Variants in MAP4 observed in about 807,000 individuals in gnomAD.
MAP4 encodes the protein microtubule-associated protein 4.
In MAP4, 76 loss-of-function variants were observed where a neutral mutation model predicts 170.2. The ratio of observed to expected loss-of-function variants is 0.45; its 90% confidence interval spans 0.37 to 0.54. MAP4 has a LOEUF of 0.54. Among genes scored for constraint, MAP4 ranks in the 20% least tolerant of loss-of-function variants. The probability of loss-of-function intolerance (pLI) is 0.00; values close to 1 mark genes in which losing one functional copy is unlikely to be tolerated. For missense variants in MAP4, 2,506 were observed against 2,748.0 expected (o/e 0.91, Z 1.97); for synonymous variants, 909 against 994.5 (o/e 0.91, Z 1.62).
At chr3:48,034,491 T>G (rs2100117772) in intron 1 of MAP4, among the ~76,000 whole-genome samples, 1 of 150,178 alleles carries the variant, frequency 6.7e-6, no homozygotes, top group Non-Finnish European at 1.5e-5. Flanking sequence ...TTACTTGAGG[T>G]CAGGAGTTCG....
intron 3 of MAP4, among the ~76,000 whole-genome samples, 183 bp from the exon 4 acceptor site, chr3:47,928,533 G>A (rs1268829230): frequency 6.6e-6 from 1 of 152,106 alleles, no homozygotes; most frequent in African/African-American, 2.4e-5. Context: ...TGGTGCGTCT[G>A]TAGCCCCATT....
chr3:48,027,501 A>G (rs904898426), intron 1 of MAP4, among the ~76,000 whole-genome samples: 2 of 152,172 alleles, frequency 1.3e-5, no homozygotes, highest in South Asian at 2.1e-4. Flanking sequence ...AAAATGGCCA[A>G]TATCTCCAAA....
intron 1 of MAP4, among the ~76,000 whole-genome samples, chr3:48,053,854 T>C (rs1385423366): frequency 6.6e-6 from 1 of 152,198 alleles, no homozygotes; most frequent in Non-Finnish European, 1.5e-5. Context: ...GTAGTATATA[T>C]AGTTCTTATT....
rs988970762 is a variant in MAP4 at position 48,016,404 on chromosome 3, T to C, written c.-90A>G. The C allele has an allele frequency of 4.6e-5, 7 of 152,180 alleles. No homozygotes were observed. The highest frequency in any genetic ancestry group is 1.7e-4 in the African/African-American group (7 of 41,454). The allele number at this position is 152,180 out of a possible 1,614,324, so 9.4% of individuals were successfully genotyped here. On this transcript the variant is annotated 5_prime_UTR_variant, in exon 1 of 21. It removes an upstream start codon present in the reference 5' UTR. Coordinates refer to ENST00000683076, the MANE Select transcript of MAP4 (RefSeq NM_001385682.1). ...TTGGATCAGGCACCTGCCTTCAACATTTCTGTCCAAATGAATTTCAATCTA... is the reference window on the plus strand; with the variant it reads ...TTGGATCAGGCACCTGCCTTCAACACTTCTGTCCAAATGAATTTCAATCTA...
rs1048694788 is a variant in MAP4 at position 47,856,475 on chromosome 3, G to A, written c.6583+956C>T. ...GGAGTTTTTTTTTTTTCTTTTTGGA[G>A]ACAGAATTTCGCTCTGTTGCTCAGG... On this transcript the variant is annotated intron_variant, in intron 18 of 20. Transcript: ENST00000683076. Among the ~76,000 whole-genome samples the A allele has an allele frequency of 2.0e-4, 30 of 151,088 alleles. 2 individuals are homozygous for A. The highest frequency in any genetic ancestry group is 8.9e-5 in the Non-Finnish European group (6 of 67,782).
intron 12 of MAP4, among the ~76,000 whole-genome samples, chr3:47,873,197 G>A (rs2094060591): frequency 6.6e-6 from 1 of 152,236 alleles, no homozygotes; most frequent in African/African-American, 2.4e-5. Flanking sequence ...CACAGCTACA[G>A]TCTGAAAGCA....
At chr3:47,934,932 C>T (rs2100051865) in intron 3 of MAP4, among the ~76,000 whole-genome samples, 1 of 152,196 alleles carries the variant, frequency 6.6e-6, no homozygotes, top group South Asian at 2.1e-4. Context: ...CCATCACCAC[C>T]CTATGCTTAG....
intron 1 of MAP4, among the ~76,000 whole-genome samples, chr3:48,029,033 C>A (rs1311051088): frequency 1.3e-5 from 2 of 151,642 alleles, no homozygotes; most frequent in Non-Finnish European, 2.9e-5. Context: ...GTAGTCCCAG[C>A]TACTTGGGAG....
intron 3 of MAP4, among the ~76,000 whole-genome samples, chr3:47,956,676 C>T (rs2100068021): frequency 6.6e-6 from 1 of 152,192 alleles, no homozygotes. Context: ...ATTTGTGTCC[C>T]ATGTGAATAA....
chr3:47,959,615 C>T (rs991562661), intron 3 of MAP4, among the ~76,000 whole-genome samples: 7 of 151,460 alleles, frequency 4.6e-5, no homozygotes, highest in African/African-American at 1.5e-4. Context: ...AGAAATTAGC[C>T]GGACGTGGTG....
At chr3:48,038,004 T>C (rs1579449512) in intron 1 of MAP4, among the ~76,000 whole-genome samples, 1 of 133,336 alleles carries the variant, frequency 7.5e-6, no homozygotes, top group African/African-American at 2.7e-5. Flanking sequence ...CCATCTCTAC[T>C]AAATATACAA....
rs767163906 is a variant in MAP4 at position 47,998,779 on chromosome 3, T to C, written c.82A>G (p.Thr28Ala). The part of the protein sequence containing the change: ...EGEIKRDFIA[T>A]LEAEAFDDVV... The stretch of plus-strand genomic sequence containing the variant: ...TCATCAAAGGCCTCTGCCTCTAGTG[T>C]GGCAATGAAGTCCCGCTTTATCTCT... Residue 28 changes from threonine (T) to alanine (A), a missense_variant, in exon 2 of 21, where the codon ACA becomes GCA. Coordinates refer to ENST00000683076, the MANE Select transcript of MAP4 (RefSeq NM_001385682.1). The C allele has an allele frequency of 6.2e-7, 1 of 1,613,956 alleles. No individual in the cohort carries two copies. Among genetic ancestry groups the C allele is most frequent in the South Asian group, 1.1e-5 (1 of 91,082 alleles).
intron 17 of MAP4, among the ~76,000 whole-genome samples, chr3:47,865,770 A>C (rs1292381758): frequency 6.6e-6 from 1 of 152,220 alleles, no homozygotes; most frequent in Non-Finnish European, 1.5e-5. Context: ...GGGAGCGGTG[A>C]GGGCAGGGGC....
At chr3:48,026,466 G>A (rs921061888) in intron 1 of MAP4, among the ~76,000 whole-genome samples, 4 of 152,152 alleles carry the variant, frequency 2.6e-5, no homozygotes, top group African/African-American at 4.8e-5. Context: ...GCTTTATTCT[G>A]AAGATGTAAG....
Position 47,875,675 on chromosome 3 carries a change from G to T in MAP4, c.5757+10C>A. On this transcript the variant is annotated intron_variant, in intron 12 of 20. Transcript: ENST00000683076. ...ATTTTCCTCGGCACAGTAGTTAGGTGACCACTTACCTTTGGCTTCACGTCT... is the reference window on the plus strand; with the variant it reads ...ATTTTCCTCGGCACAGTAGTTAGGTTACCACTTACCTTTGGCTTCACGTCT... The T allele has an allele frequency of 1.2e-6, 2 of 1,609,876 alleles. No homozygotes were observed. Among genetic ancestry groups the T allele is most frequent in the South Asian group, 2.2e-5 (2 of 90,472 alleles).
chr3:48,051,705 C>G (rs1348527616), intron 1 of MAP4, among the ~76,000 whole-genome samples: 1 of 152,188 alleles, frequency 6.6e-6, no homozygotes, highest in Non-Finnish European at 1.5e-5. Context: ...CATTCAACAA[C>G]TACATCCCAG....
chr3:47,863,139 G>C (rs2071101927), intron 17 of MAP4, among the ~76,000 whole-genome samples: 2 of 152,074 alleles, frequency 1.3e-5, no homozygotes, highest in South Asian at 4.2e-4. Flanking sequence ...ACTAGGCCTG[G>C]CTAATTTTGT....
rs191825001 is a variant in MAP4 at position 47,878,139 on chromosome 3, T to C, written c.5435-616A>G. 7.4e-4 allele frequency among the ~76,000 whole-genome samples: 112 copies of C among 152,292 alleles called. 1 individual carries two copies. The highest frequency in any genetic ancestry group is 2.7e-3 in the African/African-American group (111 of 41,570). On this transcript the variant is annotated intron_variant, in intron 10 of 20. Coordinates refer to ENST00000683076, the MANE Select transcript of MAP4 (RefSeq NM_001385682.1). ...GTGGAGAGGTTACTCTGGATTTCAA[T>C]AGGACTATACCTGAGAGCATTAAAA...
intron 2 of MAP4, among the ~76,000 whole-genome samples, chr3:47,994,043 T>C (rs1009000116): frequency 6.6e-6 from 1 of 152,196 alleles, no homozygotes; most frequent in African/African-American, 2.4e-5. Flanking sequence ...CCTTCTTTTT[T>C]GTTTCCTAAT....
Sources: allele counts gnomAD v4.1 joint callset (sites outside exome capture counted in the v4.1 genomes callset), GRCh38; gene constraint gnomAD v4.1.1; transcripts MANE v1.5; gene names NCBI Gene and HGNC (gene_info 2026-07-23, HGNC 2026-07-21).